The following FRYL variants were observed in gnomAD, a reference collection of about 807,000 sequenced individuals.
FRYL encodes the protein protein furry homolog-like.
In FRYL, 150 loss-of-function variants were observed where a neutral mutation model predicts 351.2. The ratio of observed to expected loss-of-function variants is 0.43; its 90% CI spans 0.37 to 0.49. FRYL has a LOEUF of 0.49. Ranked by LOEUF, FRYL falls within the 20% of genes least tolerant of loss-of-function variation. FRYL has a pLI of 0.00. For synonymous variants in FRYL, 1,153 were observed against 1,257.1 expected (o/e 0.92, Z 1.75); for missense variants, 3,036 against 3,619.3 (o/e 0.84, Z 4.13).
chr4:48,694,224 C>A (rs1191072432), intron 2 of FRYL, among the ~76,000 whole-genome samples: 3 of 151,578 alleles, frequency 2.0e-5, no homozygotes, highest in Non-Finnish European at 4.4e-5. Flanking sequence ...GAGGAGAAGA[C>A]ACATTAAAGA....
intron 2 of FRYL, among the ~76,000 whole-genome samples, chr4:48,708,732 A>C (rs1173830887): frequency 6.6e-6 from 1 of 152,054 alleles, no homozygotes; most frequent in Non-Finnish European, 1.5e-5. Flanking sequence ...ATCTGGGACT[A>C]AAGGTGTGCA....
intron 3 of FRYL, among the ~76,000 whole-genome samples, chr4:48,680,148 A>G (rs1358717019): frequency 6.6e-6 from 1 of 152,032 alleles, no homozygotes; most frequent in Non-Finnish European, 1.5e-5. Context: ...TAAAATATGC[A>G]TGGAAAACAG....
At chr4:48,523,910 T>C (rs1725421597) in intron 53 of FRYL, among the ~76,000 whole-genome samples, 1 of 152,206 alleles carries the variant, frequency 6.6e-6, no homozygotes, top group Non-Finnish European at 1.5e-5. Flanking sequence ...AAATATAATT[T>C]AAAATCAAGA....
chr4:48,668,178 G>A (rs1441214281), intron 3 of FRYL, among the ~76,000 whole-genome samples: 1 of 152,084 alleles, frequency 6.6e-6, no homozygotes, highest in Non-Finnish European at 1.5e-5. Context: ...AAGTACCTGC[G>A]ACAAAGACCT....
chr4:48,532,661 C>A (rs1727921919), intron 49 of FRYL, among the ~76,000 whole-genome samples: 1 of 151,712 alleles, frequency 6.6e-6, no homozygotes, highest in African/African-American at 2.4e-5. Flanking sequence ...TCAAAAAAAA[C>A]AAAACAAAAC....
Position 48,586,606 on chromosome 4 carries a change from G to A in FRYL, c.1748+15C>T. ...AAGACATAAAACAATATAGCAAACA[G>A]TAATTCTCATTTACCTTGCTAACAA... On this transcript the variant is annotated intron_variant, in intron 19 of 63. Transcript: ENST00000358350. The A allele has an allele frequency of 6.6e-7, 1 of 1,521,914 alleles. No homozygotes were observed. The highest frequency in any genetic ancestry group is 9.1e-7 in the Non-Finnish European group (1 of 1,097,078). 94.3% of individuals were successfully genotyped at this position (1,521,914 alleles called of 1,614,324 possible).
chr4:48,762,435 C>G (rs1432092608), intron 1 of FRYL, among the ~76,000 whole-genome samples: 1 of 152,174 alleles, frequency 6.6e-6, no homozygotes, highest in Non-Finnish European at 1.5e-5. Flanking sequence ...TGTGTTGCTT[C>G]TTGGCCTATT....
At chr4:48,609,876 G>T in intron 7 of FRYL, 53 bp from the exon 8 acceptor site, 1 of 896,016 alleles carries the variant, frequency 1.1e-6, no homozygotes, top group Non-Finnish European at 1.7e-6. Context: ...TTTTTTATGA[G>T]TATTCTCATC....
At position 48,497,384 on chromosome 4, in the gene FRYL, A is replaced by G. The variant is rs1718681674; in HGVS notation, c.*2038T>C. ...GCTTGCTGCAGGTATATTCATTTTT[A>G]TTATATTAATAGACTTAGTTACATA... On this transcript the variant is annotated 3_prime_UTR_variant, in exon 64 of 64. Transcript: ENST00000358350. The G allele has an allele frequency of 6.6e-6, 1 of 152,372 alleles. No individual in the cohort carries two copies. The highest frequency in any genetic ancestry group is 2.1e-4 in the South Asian group (1 of 4,832). 9.4% of individuals were successfully genotyped at this position (152,372 alleles called of 1,614,324 possible). A position where few individuals can be genotyped will look rare whatever the true frequency, so the allele number is the denominator to read the frequency against.
chr4:48,606,443 T>C lies in FRYL; in HGVS notation c.736A>G (p.Met246Val). The change falls in exon 10 of 64, where the codon ATG becomes GTG. Residue 246 changes from methionine to valine, a missense_variant. Met to Val is a conservative substitution (Grantham distance 21, BLOSUM62 1). Around this residue, in one of 7 missense-constraint regions of FRYL, gnomAD observed 457 missense variants for 566.6 expected, o/e 0.81. Coordinates refer to ENST00000358350, the MANE Select transcript of FRYL (RefSeq NM_015030.2). Reference protein sequence around the residue: ...VEDFEASFQFMQECAQYFLEV... With the variant: ...VEDFEASFQFVQECAQYFLEV... ...TCATTTAGAAGGTATATCACCTGCA[T>C]AAATTGAAATGATGCTTCAAAATCT... 1.2e-6 allele frequency: 2 copies of C among 1,606,660 alleles called. No homozygotes were observed. The highest frequency in any genetic ancestry group is 8.5e-7 in the Non-Finnish European group (1 of 1,174,382).
chr4:48,620,747 T>G lies in FRYL; in HGVS notation c.206A>C (p.His69Pro). 6.2e-7 allele frequency: 1 copy of G among 1,613,940 alleles called. No homozygotes were observed. Among genetic ancestry groups the G allele is most frequent in the Non-Finnish European group, 8.5e-7 (1 of 1,179,838 alleles). ...GGTGCGAAGTAAGGAAGGGAGACAG[T>G]GCTCTGCTACTGAGCTCATAGAGCT... ...LISSMSSVAE[H>P]CLPSLLRTLF... The change falls in exon 6 of 64, where the codon CAC (histidine) becomes CCC (proline). Residue 69 changes from histidine (H) to proline (P), a missense_variant. Coordinates refer to ENST00000358350, the MANE Select transcript of FRYL (RefSeq NM_015030.2).
chr4:48,593,271 C>CAA (rs35026740), intron 16 of FRYL, among the ~76,000 whole-genome samples: 54,685 of 133,590 alleles, frequency 0.41, 11,950 homozygotes, highest in Admixed American at 0.54. Context: ...AAAAAACAAC[C>CAA]AAAAAAAAAA....
chr4:48,685,166 G>C (rs1427248389), intron 2 of FRYL, among the ~76,000 whole-genome samples: 2 of 152,080 alleles, frequency 1.3e-5, no homozygotes, highest in Non-Finnish European at 2.9e-5. Context: ...AATTCATTAT[G>C]TATCTCTCTA....
intron 4 of FRYL, among the ~76,000 whole-genome samples, chr4:48,633,304 T>A (rs918533457): frequency 6.6e-6 from 1 of 152,248 alleles, no homozygotes; most frequent in Admixed American, 6.5e-5. Flanking sequence ...ATGTTCATTG[T>A]ACTTTGCTGC....
In FRYL at chr4:48,540,739, C is replaced by A. The variant is rs1729971843; in HGVS notation, c.5909G>T (p.Ser1970Ile). ...GCTTCTAGTCCTTGCTAAACTACTG[C>A]TATGGTTTATCCGTCCATCCATTAT... ...LDIMDGRINH[S>I]SSLARTRSLS... The change falls in exon 46 of 64, where the codon AGC becomes ATC. Residue 1970 changes from serine (S) to isoleucine (I), a missense_variant. Physicochemically the swap from Ser to Ile is moderately radical, Grantham distance 142. This residue lies in a region of FRYL where 1,987 missense variants were observed against 2,311.7 expected (regional missense o/e 0.86). Transcript: ENST00000358350. 1.9e-6 allele frequency: 3 copies of A among 1,614,056 alleles called. No individual in the cohort carries two copies. In the East Asian group the frequency reaches 6.7e-5, roughly 36 times the overall value.
chr4:48,740,717 A>G (rs1184191219), intron 1 of FRYL, among the ~76,000 whole-genome samples: 7 of 152,186 alleles, frequency 4.6e-5, no homozygotes, highest in Non-Finnish European at 8.8e-5. Flanking sequence ...CCACAATGAA[A>G]TACCACTACC....
chr4:48,543,014 C>T (rs191437160), intron 44 of FRYL, among the ~76,000 whole-genome samples: 146 of 152,238 alleles, frequency 9.6e-4, no homozygotes, highest in African/African-American at 3.4e-3. Flanking sequence ...ACCTACCTAC[C>T]TCATCAATTT....
chr4:48,538,483 G>C (rs1341510272), intron 47 of FRYL, among the ~76,000 whole-genome samples: 1 of 152,056 alleles, frequency 6.6e-6, no homozygotes, highest in Non-Finnish European at 1.5e-5. Flanking sequence ...GATTCATTGG[G>C]TTGCCAGTAT....
intron 1 of FRYL, among the ~76,000 whole-genome samples, chr4:48,750,873 C>A (rs1033218353): frequency 2.6e-5 from 4 of 152,128 alleles, no homozygotes; most frequent in Non-Finnish European, 5.9e-5. Flanking sequence ...ATTACTATAT[C>A]CAAAAGGAGT....
Sources: gnomAD v4.1 joint callset for allele counts (sites outside exome capture counted in the v4.1 genomes callset) on GRCh38, gnomAD v4.1.1 for gene constraint, gnomAD v4.1.1 regional missense constraint, MANE v1.5 for transcripts, NCBI Gene and HGNC (gene_info 2026-07-23, HGNC 2026-07-21) for gene names.